Variants in ZNF431 observed in about 807,000 individuals in gnomAD.
The protein encoded by ZNF431 is zinc finger protein 431.
A neutral mutation model predicts 57.0 loss-of-function variants in ZNF431; 34 were observed. The observed-to-expected ratio is 0.60, with a 90% CI of 0.45 to 0.79. The LOEUF (loss-of-function observed/expected upper bound fraction) is 0.79. Ranked by LOEUF, ZNF431 falls within the 30% of genes least tolerant of loss-of-function variation. The pLI is 0.00. For synonymous variants in ZNF431, 207 were observed against 220.3 expected (o/e 0.94, Z 0.54); for missense variants, 607 against 667.1 (o/e 0.91, Z 0.99).
chr19:21,147,661 A>G (rs1970139150), intron 2 of ZNF431, among the ~76,000 whole-genome samples: 1 of 152,126 alleles, frequency 6.6e-6, no homozygotes, highest in South Asian at 2.1e-4. Flanking sequence ...GTGTCATATA[A>G]TAATTTTATG....
chr19:21,163,898 C>T (rs1002292407), intron 2 of ZNF431, among the ~76,000 whole-genome samples: 1 of 151,708 alleles, frequency 6.6e-6, no homozygotes, highest in East Asian at 1.9e-4. Flanking sequence ...TAGGATTACA[C>T]GGTGAAATCC....
At position 21,189,972 on chromosome 19, in the gene ZNF431, C is replaced by A; in HGVS notation, c.*5938C>A. On this transcript the variant is annotated 3_prime_UTR_variant, in exon 5 of 5. Transcript: ENST00000311048. ...CAGCCTGGACAACGTGGAAAAACCC[C>A]ATCTCTACTAAAAATACAAAAACAA... 1 of 397,268 alleles carries A rather than the reference C, an allele frequency of 2.5e-6. No individual in the cohort carries two copies. The highest frequency in any genetic ancestry group is 1.4e-4 in the South Asian group (1 of 7,044). 24.6% of individuals were successfully genotyped at this position (397,268 alleles called of 1,614,324 possible).
Position 21,187,217 on chromosome 19 carries a change from A to G in ZNF431, c.*3183A>G, listed in dbSNP as rs1272233651. On this transcript the variant is annotated 3_prime_UTR_variant, in exon 5 of 5. Coordinates refer to ENST00000311048, the MANE Select transcript of ZNF431 (RefSeq NM_133473.4). The stretch of plus-strand genomic sequence containing the variant: ...AGAGAAATTCTGGCAGAGGCAGATG[A>G]ATCACCTGAGGTCAGGAGTTTGAGA... 1.3e-5 allele frequency: 2 copies of G among 152,050 alleles called. No homozygotes were observed. Among genetic ancestry groups the G allele is most frequent in the Non-Finnish European group, 2.9e-5 (2 of 68,012 alleles). The allele number at this position is 152,050 out of a possible 1,614,324, so 9.4% of individuals were successfully genotyped here. A position where few individuals can be genotyped will look rare whatever the true frequency, so the allele number is the denominator to read the frequency against.
Position 21,166,401 on chromosome 19 carries a change from G to A in ZNF431, c.163G>A (p.Ala55Thr). Residue 55 changes from alanine (A) to threonine (T), a missense_variant, in exon 3 of 5, where the codon GCT becomes ACT. Physicochemically the swap from Ala to Thr is moderately conservative, Grantham distance 58. Coordinates refer to ENST00000311048, the MANE Select transcript of ZNF431 (RefSeq NM_133473.4). ...SLEEWECLNPAQQNLYMNVML... is the reference protein window; with the variant it reads ...SLEEWECLNPTQQNLYMNVML... ...GGAGGAGTGGGAATGCCTGAACCCT[G>A]CTCAGCAGAATTTATATATGAATGT... 3 of 1,611,102 alleles carry A rather than the reference G, an allele frequency of 1.9e-6. No homozygotes were observed. The highest frequency in any genetic ancestry group is 2.5e-6 in the Non-Finnish European group (3 of 1,179,330).
Position 21,184,230 on chromosome 19 carries a change from T to G in ZNF431, c.*196T>G. On this transcript the variant is annotated 3_prime_UTR_variant, in exon 5 of 5. Transcript: ENST00000311048. ...CTGGGTGTGGTGGCACGTGCCTGTA[T>G]TCCCATCTACTCGGGAGGCTTAGGC... 1.7e-5 allele frequency: 8 copies of G among 471,970 alleles called. No individual in the cohort carries two copies. The highest frequency in any genetic ancestry group is 2.2e-5 in the Non-Finnish European group (6 of 269,662). 29.2% of individuals were successfully genotyped at this position (471,970 alleles called of 1,614,324 possible).
chr19:21,148,689 CTG>C (rs1041174882), intron 2 of ZNF431, among the ~76,000 whole-genome samples: 26 of 152,312 alleles, frequency 1.7e-4, no homozygotes, highest in African/African-American at 5.5e-4. Flanking sequence ...GCATGTAAAA[CTG>C]TTTTTTAGTA....
At chr19:21,148,325 C>T (rs1194337427) in intron 2 of ZNF431, among the ~76,000 whole-genome samples, 1 of 152,128 alleles carries the variant, frequency 6.6e-6, no homozygotes, top group East Asian at 1.9e-4. Context: ...CAAATCTATC[C>T]AATTTTAATG....
chr19:21,146,803 G>T (rs1307730117), intron 2 of ZNF431, among the ~76,000 whole-genome samples: 1 of 152,126 alleles, frequency 6.6e-6, no homozygotes, highest in Non-Finnish European at 1.5e-5. Context: ...CAGGAATGCA[G>T]CCCAGTCAGT....
chr19:21,155,877 C>G (rs1970402583), intron 2 of ZNF431, among the ~76,000 whole-genome samples: 1 of 152,150 alleles, frequency 6.6e-6, no homozygotes, highest in Non-Finnish European at 1.5e-5. Flanking sequence ...AAATGGGAGG[C>G]TCTTCTCTCC....
chr19:21,169,102 A>G (rs1223283429), intron 4 of ZNF431, among the ~76,000 whole-genome samples: 1 of 151,230 alleles, frequency 6.6e-6, no homozygotes, highest in African/African-American at 2.4e-5. Flanking sequence ...TTTTAGTAAG[A>G]CGGAATTTCA....
At position 21,182,748 on chromosome 19, in the gene ZNF431, G is replaced by T; in HGVS notation, c.445G>T (p.Ala149Ser). The change falls in exon 5 of 5, where the codon GCA (alanine) becomes TCA (serine). Residue 149 changes from alanine to serine, a missense_variant. Coordinates refer to ENST00000311048, the MANE Select transcript of ZNF431 (RefSeq NM_133473.4). Reference protein sequence around the residue: ...HENLQLRKGSASVDEYKVHKE... With the variant: ...HENLQLRKGSSSVDEYKVHKE... Reference sequence around the variant, plus strand: ...GAATTTACAGTTAAGAAAAGGCTCCGCAAGTGTAGATGAGTATAAGGTGCA... The same window carrying T: ...GAATTTACAGTTAAGAAAAGGCTCCTCAAGTGTAGATGAGTATAAGGTGCA... 6.2e-7 allele frequency: 1 copy of T among 1,613,918 alleles called. No individual in the cohort carries two copies. Among genetic ancestry groups the T allele is most frequent in the Non-Finnish European group, 8.5e-7 (1 of 1,179,888 alleles).
chr19:21,181,303 T>A (rs1971205161), intron 4 of ZNF431, among the ~76,000 whole-genome samples: 1 of 152,164 alleles, frequency 6.6e-6, no homozygotes, highest in Non-Finnish European at 1.5e-5. Flanking sequence ...TTTTCAGTAT[T>A]TGGTTATTTT....
intron 2 of ZNF431, among the ~76,000 whole-genome samples, chr19:21,145,504 C>T (rs1049246018): frequency 5.9e-5 from 9 of 152,128 alleles, no homozygotes; most frequent in Non-Finnish European, 1.0e-4. Flanking sequence ...CAAATAAAAG[C>T]CCAGCTAGTT....
At chr19:21,160,004 A>G (rs1414875333) in intron 2 of ZNF431, among the ~76,000 whole-genome samples, 2 of 138,712 alleles carry the variant, frequency 1.4e-5, no homozygotes, top group African/African-American at 5.4e-5. Context: ...TTTTTTAGGT[A>G]GACATATTAC....
intron 2 of ZNF431, among the ~76,000 whole-genome samples, chr19:21,146,409 G>GAAAAA (rs59050670): frequency 9.2e-6 from 1 of 108,756 alleles, no homozygotes; most frequent in Admixed American, 9.3e-5. Flanking sequence ...CACTCTGTCT[G>GAAAAA]AAAAAAAAAA....
chr19:21,152,787 C>G (rs1970311294), intron 2 of ZNF431, among the ~76,000 whole-genome samples: 1 of 152,110 alleles, frequency 6.6e-6, no homozygotes, highest in Admixed American at 6.6e-5. Context: ...CCGATTGGTG[C>G]ACACAGATGA....
Position 21,171,480 on chromosome 19 carries a change from A to G in ZNF431, c.319+3814A>G, listed in dbSNP as rs76351701. Among the ~76,000 whole-genome samples the G allele has an allele frequency of 9.9e-3, 1,503 of 152,052 alleles. 9 individuals are homozygous for G. Among genetic ancestry groups the G allele is most frequent in the South Asian group, 0.015 (74 of 4,820 alleles). On this transcript the variant is annotated intron_variant, in intron 4 of 4. Coordinates refer to ENST00000311048, the MANE Select transcript of ZNF431 (RefSeq NM_133473.4). ...AATTCTGTTTGTATACTTTAAGTCA[A>G]TGTGAGGTGTAATTAAGAGATAAGT...
Position 21,164,244 on chromosome 19 carries a change from G to A in ZNF431, c.97-2091G>A, listed in dbSNP as rs144678820. 2.6e-3 allele frequency among the ~76,000 whole-genome samples: 399 copies of A among 152,192 alleles called. 4 individuals carry two copies. Among genetic ancestry groups the A allele is most frequent in the African/African-American group, 9.1e-3 (378 of 41,510 alleles). On this transcript the variant is annotated intron_variant, in intron 2 of 4. Coordinates refer to ENST00000311048, the MANE Select transcript of ZNF431 (RefSeq NM_133473.4). ...AGGGCTTCAAAATACATTCATGAGA[G>A]TGAAGTGCCACCTTTGTACTAAAGG...
At chr19:21,179,204 A>G (rs1298921175) in intron 4 of ZNF431, among the ~76,000 whole-genome samples, 1 of 152,132 alleles carries the variant, frequency 6.6e-6, no homozygotes, top group Non-Finnish European at 1.5e-5. Context: ...CTGTGGGGTC[A>G]GTGATGATAG....
Sources: allele counts gnomAD v4.1 joint callset (sites outside exome capture counted in the v4.1 genomes callset), GRCh38; gene constraint gnomAD v4.1.1; transcripts MANE v1.5; gene names NCBI Gene and HGNC (gene_info 2026-07-23, HGNC 2026-07-21).